WDPCP: variants seen among roughly 807,000 people sequenced by gnomAD.
The protein encoded by WDPCP is WD repeat containing planar cell polarity effector, also known as WD repeat-containing and planar cell polarity effector protein fritz homolog.
Under a neutral mutation model 93.1 loss-of-function variants are expected in WDPCP, and 71 were observed. The observed-to-expected ratio is 0.76, with a 90% CI of 0.63 to 0.93. The LOEUF is 0.93. WDPCP is among the 40% of genes least tolerant of loss of function. WDPCP has a pLI of 0.00. For missense variants in WDPCP, 844 were observed against 887.4 expected (o/e 0.95, Z 0.62); for synonymous variants, 315 against 315.0 (o/e 1.00, Z 0.00).
chr2:63,569,088 T>A (rs1330697985), intron 1 of WDPCP, among the ~76,000 whole-genome samples: 2 of 152,174 alleles, frequency 1.3e-5, no homozygotes, highest in Non-Finnish European at 2.9e-5. Flanking sequence ...TATCATTAAA[T>A]GGAAAATGGA....
chr2:63,213,069 C>A (rs1192307680), intron 14 of WDPCP, among the ~76,000 whole-genome samples: 1 of 152,156 alleles, frequency 6.6e-6, no homozygotes. Context: ...ATCCATGAGA[C>A]AGAAAGTTAA....
At chr2:63,641,636 G>A (rs996116206) in intron 3 of WDPCP, among the ~76,000 whole-genome samples, 1 of 151,882 alleles carries the variant, frequency 6.6e-6, no homozygotes, top group Non-Finnish European at 1.5e-5. Flanking sequence ...TTTTGGATTG[G>A]ATTACTAGAT....
At chr2:63,624,054 G>A (rs1336858622) in intron 3 of WDPCP, among the ~76,000 whole-genome samples, 1 of 152,116 alleles carries the variant, frequency 6.6e-6, no homozygotes, top group Non-Finnish European at 1.5e-5. Context: ...ACAACTACAT[G>A]GACACTAAAC....
intron 11 of WDPCP, 35 bp downstream of exon 11, chr2:63,381,871 C>T: frequency 1.9e-6 from 3 of 1,609,308 alleles, no homozygotes; most frequent in Non-Finnish European, 2.5e-6. Flanking sequence ...CATGTATATA[C>T]AAAACTCATC....
the WDPCP span, among the ~76,000 whole-genome samples, chr2:63,840,589 G>A: frequency 1.3e-5 from 2 of 152,338 alleles, no homozygotes; most frequent in African/African-American, 4.8e-5. Context: ...ATGTGATGAG[G>A]GGAGCAAGCG....
intron 12 of WDPCP, among the ~76,000 whole-genome samples, chr2:63,367,631 C>T (rs908474589): frequency 6.6e-6 from 1 of 152,044 alleles, no homozygotes; most frequent in African/African-American, 2.4e-5. Context: ...TGATATAGAT[C>T]TATGTTTATT....
At chr2:63,548,084 T>G (rs1705288165) in intron 1 of WDPCP, among the ~76,000 whole-genome samples, 1 of 151,972 alleles carries the variant, frequency 6.6e-6, no homozygotes, top group South Asian at 2.1e-4. Context: ...ATGAAAAACT[T>G]AAGACATATA....
chr2:63,631,732 C>A (rs1709866789), intron 3 of WDPCP, among the ~76,000 whole-genome samples: 1 of 152,192 alleles, frequency 6.6e-6, no homozygotes, highest in South Asian at 2.1e-4. Flanking sequence ...AAAGGCAAGG[C>A]ATAGGGGCTA....
chr2:63,334,014 T>A (rs1333123412), intron 12 of WDPCP, among the ~76,000 whole-genome samples: 1 of 152,216 alleles, frequency 6.6e-6, no homozygotes, highest in African/African-American at 2.4e-5. Context: ...TTCATATGAA[T>A]TCATAGATTG....
chr2:63,278,683 C>T (rs528383395), intron 13 of WDPCP, among the ~76,000 whole-genome samples: 58 of 152,008 alleles, frequency 3.8e-4, no homozygotes, highest in Non-Finnish European at 5.3e-4. Context: ...AAAAATTAGC[C>T]GGGCATGGTG....
chr2:63,798,807 C>T (rs551960634), intron 2 of WDPCP, among the ~76,000 whole-genome samples: 15 of 152,200 alleles, frequency 9.9e-5, no homozygotes, highest in East Asian at 1.9e-4. Flanking sequence ...AATCAAGACC[C>T]AGTGATCCGT....
intron 1 of WDPCP, among the ~76,000 whole-genome samples, chr2:63,552,021 G>A (rs906431887): frequency 8.8e-6 from 1 of 114,272 alleles, no homozygotes; most frequent in Non-Finnish European, 1.8e-5. Flanking sequence ...TCAACTCCTG[G>A]GCTCAAGTGA....
chr2:63,790,377 AAC>A (rs151194541), intron 2 of WDPCP, among the ~76,000 whole-genome samples: 1,869 of 152,360 alleles, frequency 0.012, 17 homozygotes, highest in Non-Finnish European at 0.015. Context: ...CCAAACCAAT[AAC>A]AGAGTCAGTA....
At chr2:63,196,395 T>G (rs1675438247) in intron 14 of WDPCP, among the ~76,000 whole-genome samples, 1 of 152,236 alleles carries the variant, frequency 6.6e-6, no homozygotes, top group East Asian at 1.9e-4. Context: ...TGCTAAAATC[T>G]TGCACTTTTT....
chr2:63,237,415 C>T (rs891652176), intron 14 of WDPCP, among the ~76,000 whole-genome samples: 4 of 152,098 alleles, frequency 2.6e-5, no homozygotes, highest in African/African-American at 9.7e-5. Context: ...CAGTAGAAAG[C>T]AGTTTGGAGA....
intron 14 of WDPCP, among the ~76,000 whole-genome samples, chr2:63,236,399 C>T (rs1679395850): frequency 6.6e-6 from 1 of 152,090 alleles, no homozygotes; most frequent in African/African-American, 2.4e-5. Flanking sequence ...ATGTCCATAC[C>T]ACCCAAAGCA....
chr2:63,816,831 A>C (rs1670939155), intron 1 of WDPCP, among the ~76,000 whole-genome samples: 1 of 152,226 alleles, frequency 6.6e-6, no homozygotes, highest in African/African-American at 2.4e-5. Flanking sequence ...AACAACATGG[A>C]TGACTCTCAC....
At chr2:63,316,043 G>A (rs771277542) in intron 12 of WDPCP, among the ~76,000 whole-genome samples, 1 of 152,074 alleles carries the variant, frequency 6.6e-6, no homozygotes, top group Non-Finnish European at 1.5e-5. Context: ...GACTACAGGT[G>A]TGAGCCACTG....
intron 1 of WDPCP, among the ~76,000 whole-genome samples, chr2:63,554,484 T>C (rs1705922362): frequency 6.6e-6 from 1 of 152,076 alleles, no homozygotes; most frequent in South Asian, 2.1e-4. Context: ...AAACCCCATC[T>C]CTATTAAAAA....
Sources: allele counts gnomAD v4.1 joint callset (sites outside exome capture counted in the v4.1 genomes callset), GRCh38; gene constraint gnomAD v4.1.1; transcripts MANE v1.5; gene names NCBI Gene and HGNC (gene_info 2026-07-23, HGNC 2026-07-21).